NECTIN3: variants seen among roughly 807,000 people sequenced by gnomAD.
NECTIN3 encodes the protein nectin cell adhesion molecule 3.
NECTIN3 carries 8 observed loss-of-function variants against 49.4 expected under a neutral mutation model. The observed-to-expected ratio is 0.16, with a 90% CI of 0.10 to 0.29. The LOEUF is 0.29. Ranked by LOEUF, NECTIN3 falls within the 10% of genes least tolerant of loss-of-function variation. The probability of loss-of-function intolerance (pLI) is 1.00; values close to 1 mark genes in which losing one functional copy is unlikely to be tolerated. For missense variants in NECTIN3, 581 were observed against 654.6 expected (o/e 0.89, Z 1.23); for synonymous variants, 277 against 241.1 (o/e 1.15, Z -1.38).
chr3:111,169,124 C>G (rs1248457529), intron 7 of NECTIN3, among the ~76,000 whole-genome samples: 1 of 113,884 alleles, frequency 8.8e-6, no homozygotes, highest in Non-Finnish European at 1.6e-5. Context: ...GAGTCTCGCT[C>G]TGTCGCCCAG....
At chr3:111,106,739 AATT>A (rs1212737721) in intron 1 of NECTIN3, among the ~76,000 whole-genome samples, 1 of 152,196 alleles carries the variant, frequency 6.6e-6, no homozygotes, top group Non-Finnish European at 1.5e-5. Context: ...GTTGCCTCTA[AATT>A]ATTCTAAATT....
Position 111,137,207 on chromosome 3 carries a change from A to G in NECTIN3, c.*2992A>G. The G allele has an allele frequency of 1.1e-6, 1 of 937,860 alleles. No homozygotes were observed. The allele number at this position is 937,860 out of a possible 1,614,324, so 58.1% of individuals were successfully genotyped here. A position where few individuals can be genotyped will look rare whatever the true frequency, so the allele number is the denominator to read the frequency against. On this transcript the variant is annotated 3_prime_UTR_variant, in exon 6 of 6. Transcript: ENST00000485303. ...CAGTATATGAACAAGTAAGAAGTTT[A>G]TGTATGAAAGTAATCAATGTAAAAT...
At chr3:111,162,610 A>G (rs1012586438) in intron 7 of NECTIN3, among the ~76,000 whole-genome samples, 1 of 152,172 alleles carries the variant, frequency 6.6e-6, no homozygotes, top group African/African-American at 2.4e-5. Flanking sequence ...ATGCAATCAA[A>G]CTGCCTAGAA....
chr3:111,183,375 G>T (rs958946401), intron 7 of NECTIN3, among the ~76,000 whole-genome samples: 2 of 149,402 alleles, frequency 1.3e-5, no homozygotes, highest in Admixed American at 1.3e-4. Flanking sequence ...GCAATGGCTT[G>T]GTCTCAGTTC....
chr3:111,129,899 C>T (rs1439535700), intron 5 of NECTIN3, among the ~76,000 whole-genome samples: 1 of 151,730 alleles, frequency 6.6e-6, no homozygotes, highest in East Asian at 1.9e-4. Context: ...ATCCACCCAC[C>T]TCAGGCTCCT....
chr3:111,103,297 G>T (rs908900083), intron 1 of NECTIN3, among the ~76,000 whole-genome samples: 2 of 151,948 alleles, frequency 1.3e-5, no homozygotes, highest in Non-Finnish European at 2.9e-5. Flanking sequence ...TTAGTTATTT[G>T]ATTTTCTCAG....
intron 1 of NECTIN3, among the ~76,000 whole-genome samples, chr3:111,093,495 C>T (rs1230118799): frequency 4.7e-5 from 7 of 148,590 alleles, no homozygotes; most frequent in Non-Finnish European, 7.4e-5. Context: ...AGTGCAATGG[C>T]GTGATCTTGG....
chr3:111,116,483 A>G (rs564156614), intron 2 of NECTIN3, among the ~76,000 whole-genome samples: 2 of 152,264 alleles, frequency 1.3e-5, no homozygotes, highest in African/African-American at 4.8e-5. Flanking sequence ...TGAAGTATCA[A>G]ATTCTACAAA....
At chr3:111,114,828 GAGA>G (rs1261144185) in intron 2 of NECTIN3, among the ~76,000 whole-genome samples, 6 of 152,014 alleles carry the variant, frequency 3.9e-5, no homozygotes, top group African/African-American at 1.5e-4. Flanking sequence ...ACTGCAAATA[GAGA>G]ATAGAGTATT....
chr3:111,178,719 C>A (rs1389715224), intron 7 of NECTIN3, among the ~76,000 whole-genome samples: 1 of 152,180 alleles, frequency 6.6e-6, no homozygotes, highest in Admixed American at 6.5e-5. Context: ...CTCAAATGTT[C>A]ATTGTCTTCC....
intron 3 of NECTIN3, among the ~76,000 whole-genome samples, chr3:111,121,151 C>T (rs541774382): frequency 9.3e-5 from 14 of 150,816 alleles, no homozygotes; most frequent in Admixed American, 2.6e-4. Context: ...TACAGGCACC[C>T]GCCATCACGC....
At chr3:111,148,244 A>AC (rs1391298470) in intron 7 of NECTIN3, among the ~76,000 whole-genome samples, 4 of 152,206 alleles carry the variant, frequency 2.6e-5, no homozygotes, top group Non-Finnish European at 4.4e-5. Flanking sequence ...TCATTGATTT[A>AC]ATTTGGTGGA....
In NECTIN3 at chr3:111,137,405, C is replaced by T. The variant is rs1295231736; in HGVS notation, c.*3190C>T. ...GTTTGTGTTTGGGTTTTAGTTTGTA[C>T]CCGCGCTAAGTTTTGGTTTTGTTGT... On this transcript the variant is annotated 3_prime_UTR_variant, in exon 6 of 6. Transcript: ENST00000485303. 9.5e-6 allele frequency: 9 copies of T among 947,240 alleles called. No homozygotes were observed. In the African/African-American group the frequency reaches 1.4e-4, roughly 15 times the overall value. 58.7% of individuals were successfully genotyped at this position (947,240 alleles called of 1,614,324 possible).
At chr3:111,181,374 CATTTTGGTTTAAA>C (rs1404276450) in intron 7 of NECTIN3, among the ~76,000 whole-genome samples, 2 of 151,990 alleles carry the variant, frequency 1.3e-5, no homozygotes, top group Admixed American at 6.6e-5. Flanking sequence ...TGTTGAGGAC[CATTTTGGTTTAAA>C]GTTTTGGGAT....
At chr3:111,118,230 T>C (rs912445820) in intron 2 of NECTIN3, among the ~76,000 whole-genome samples, 1 of 123,120 alleles carries the variant, frequency 8.1e-6, no homozygotes, top group African/African-American at 2.9e-5. Context: ...TTTAAAATTT[T>C]TTTACTGTAA....
upstream of NECTIN3, among the ~76,000 whole-genome samples, chr3:111,187,851 A>C (rs1442507142): frequency 6.6e-6 from 1 of 152,210 alleles, no homozygotes; most frequent in Admixed American, 6.5e-5. Context: ...TCTGTGTGAT[A>C]CTACAAGAGT....
chr3:111,186,918 T>C (rs965671087), intron 7 of NECTIN3, among the ~76,000 whole-genome samples: 1 of 152,192 alleles, frequency 6.6e-6, no homozygotes, highest in African/African-American at 2.4e-5. Flanking sequence ...GTTAGAGTAT[T>C]ATAGTTTTAT....
intron 4 of NECTIN3, among the ~76,000 whole-genome samples, chr3:111,125,028 T>C (rs1360951526): frequency 1.5e-5 from 2 of 137,372 alleles, no homozygotes; most frequent in African/African-American, 5.5e-5. Context: ...CTTTCTTTTT[T>C]TTTTTTTTTT....
At chr3:111,147,572 T>G (rs2034905064) in intron 7 of NECTIN3, 3 of 1,092,598 alleles carry the variant, frequency 2.7e-6, no homozygotes, top group Non-Finnish European at 3.9e-6. Context: ...AAAATGTTGT[T>G]TAGTCATTAT....
Sources: allele counts gnomAD v4.1 joint callset (sites outside exome capture counted in the v4.1 genomes callset), GRCh38; gene constraint gnomAD v4.1.1; transcripts MANE v1.5; gene names NCBI Gene and HGNC (gene_info 2026-07-23, HGNC 2026-07-21).